The following AOX1 variants were observed in gnomAD, a reference collection of about 807,000 sequenced individuals.
AOX1 encodes the protein aldehyde oxidase.
A neutral mutation model predicts 169.5 loss-of-function variants in AOX1; 153 were observed. The ratio of observed to expected loss-of-function variants is 0.90; its 90% CI spans 0.79 to 1.03. The LOEUF (loss-of-function observed/expected upper bound fraction) is 1.03. Ranked by LOEUF, AOX1 falls within the 50% of genes least tolerant of loss-of-function variation. AOX1 has a pLI of 0.00. For synonymous variants in AOX1, 562 were observed against 581.9 expected, an observed-to-expected ratio of 0.97 and a Z score of 0.49; for missense variants, 1,656 against 1,663.9, an observed-to-expected ratio of 1.00 and a Z score of 0.08.
At position 200,612,655 on chromosome 2, in the gene AOX1, C is replaced by T. The variant is rs368293055; in HGVS notation, c.1310C>T (p.Ala437Val). 33 of 1,613,890 alleles carry T rather than the reference C, an allele frequency of 2.0e-5. No individual in the cohort carries two copies. Among genetic ancestry groups the T allele is most frequent in the Middle Eastern group, 1.7e-4 (1 of 6,058 alleles). Residue 437 changes from alanine (A) to valine (V), a missense_variant, in exon 14 of 35, where the codon GCG (alanine) becomes GTG (valine). By Grantham distance (64) the Ala-to-Val change is moderately conservative. Coordinates refer to ENST00000374700, the MANE Select transcript of AOX1 (RefSeq NM_001159.4). ...CGACAAGCCCAGCGACAGGAGAATG[C>T]GCTAGCGATAGTCAATTCAGGAATG... Reference protein sequence around the residue: ...AFRQAQRQENALAIVNSGMRV... With the variant: ...AFRQAQRQENVLAIVNSGMRV...
downstream of AOX1, among the ~76,000 whole-genome samples, chr2:200,674,462 G>C (rs1395546483): frequency 6.6e-6 from 1 of 152,176 alleles, no homozygotes; most frequent in Non-Finnish European, 1.5e-5. Context: ...CTGGGGACAA[G>C]ATGGCATATG....
intron 25 of AOX1, among the ~76,000 whole-genome samples, chr2:200,646,866 A>G (rs1309681698): frequency 6.6e-6 from 1 of 152,100 alleles, no homozygotes; most frequent in Non-Finnish European, 1.5e-5. Flanking sequence ...TCTGATTTAT[A>G]TCAGACAGAA....
rs538736817 is a variant in AOX1 at position 200,586,844 on chromosome 2, G to A, written c.45+691G>A. Among the ~76,000 whole-genome samples the A allele has an allele frequency of 7.9e-5, 12 of 152,318 alleles. No homozygotes were observed. In the East Asian group the frequency reaches 2.3e-3, roughly 29 times the overall value. On this transcript the variant is annotated intron_variant, in intron 1 of 34. Coordinates refer to ENST00000374700, the MANE Select transcript of AOX1 (RefSeq NM_001159.4). ...CGAGGGACAGTTCCAGGCAGTGTCC[G>A]ATGTTTGGGAGAAGCAAAGCCCCCT...
intron 1 of AOX1, among the ~76,000 whole-genome samples, chr2:200,590,032 A>C (rs976425472): frequency 2.0e-5 from 3 of 152,166 alleles, no homozygotes; most frequent in Non-Finnish European, 4.4e-5. Flanking sequence ...CTCTCCTCTG[A>C]GGCTGCTGTA....
intron 12 of AOX1, 29 bp from the exon 13 acceptor site, chr2:200,611,355 C>A (rs779814677): frequency 2.0e-6 from 3 of 1,489,706 alleles, no homozygotes; most frequent in Non-Finnish European, 2.8e-6. Context: ...CCAAACAGAT[C>A]CCAGGGAAAG....
chr2:200,681,149 C>T (rs558248699), downstream of AOX1, among the ~76,000 whole-genome samples: 4 of 152,288 alleles, frequency 2.6e-5, no homozygotes, highest in Admixed American at 2.6e-4. Flanking sequence ...ACTAGGCTGA[C>T]ATTGAGGACT....
intron 20 of AOX1, among the ~76,000 whole-genome samples, chr2:200,631,806 A>G (rs1220011389): frequency 6.6e-6 from 1 of 152,250 alleles, no homozygotes; most frequent in East Asian, 1.9e-4. Context: ...CTGAGTGGAT[A>G]GGCAGAATCA....
downstream of AOX1, among the ~76,000 whole-genome samples, chr2:200,680,925 G>T (rs142917259): frequency 4.6e-5 from 7 of 152,224 alleles, no homozygotes; most frequent in African/African-American, 1.2e-4. Flanking sequence ...TGAAGAAAAC[G>T]CCAGTTACCC....
intron 4 of AOX1, 129 bp from the exon 5 acceptor site, chr2:200,599,482 AAGGGCTCCC>A: frequency 3.2e-6 from 2 of 630,766 alleles, no homozygotes; most frequent in Non-Finnish European, 5.1e-6. Context: ...CTGGGATGAG[AAGGGCTCCC>A]AGGGGCCTCT....
At chr2:200,680,814 G>A (rs74944410), downstream of AOX1, among the ~76,000 whole-genome samples, 1,661 of 152,186 alleles carry the variant, frequency 0.011, 120 homozygotes, top group East Asian at 0.17. Flanking sequence ...CCAAAATGCT[G>A]GGATTAGAGG....
intron 13 of AOX1, 148 bp from the exon 14 acceptor site, chr2:200,612,461 C>G: frequency 1.4e-6 from 1 of 724,478 alleles, no homozygotes; most frequent in South Asian, 1.8e-5. Flanking sequence ...GTAGGTGATG[C>G]TCAACACACA....
chr2:200,677,737 T>C (rs1369362029), downstream of AOX1, among the ~76,000 whole-genome samples: 1 of 152,222 alleles, frequency 6.6e-6, no homozygotes, highest in African/African-American at 2.4e-5. Context: ...TAAGGCATCA[T>C]CTATGACTAG....
At chr2:200,659,795 C>CAT (rs201050171) in intron 28 of AOX1, among the ~76,000 whole-genome samples, 200 bp from the exon 29 acceptor site, 138 of 118,964 alleles carry the variant, frequency 1.2e-3, no homozygotes, top group Middle Eastern at 8.7e-3. Context: ...CTCACACACA[C>CAT]ACACACACAC....
chr2:200,663,601 C>CCCG lies in AOX1; in HGVS notation c.3543+632_3543+633insCCG, dbSNP rs55937596. 7.2e-5 allele frequency among the ~76,000 whole-genome samples: 11 copies of CCCG among 151,920 alleles called. No homozygotes were observed. In the East Asian group the frequency reaches 2.1e-3, roughly 29 times the overall value. Reference sequence around the variant, plus strand: ...TCTCTCTCTCTCTCTCTCTCTCCCCCTCTTTCTGTCTCTGTTGCTTCAAAG... The same window carrying CCCG: ...TCTCTCTCTCTCTCTCTCTCTCCCCCCCGTCTTTCTGTCTCTGTTGCTTCAAAG... On this transcript the variant is annotated intron_variant, in intron 31 of 34. Coordinates refer to ENST00000374700, the MANE Select transcript of AOX1 (RefSeq NM_001159.4).
At chr2:200,607,467 A>G (rs1168283068) in intron 10 of AOX1, among the ~76,000 whole-genome samples, 1 of 152,190 alleles carries the variant, frequency 6.6e-6, no homozygotes, top group East Asian at 1.9e-4. Context: ...TCAGGAAACA[A>G]TAAATGCTGG....
At chr2:200,660,928 G>A (rs936429764) in intron 29 of AOX1, among the ~76,000 whole-genome samples, 3 of 152,184 alleles carry the variant, frequency 2.0e-5, no homozygotes, top group Non-Finnish European at 4.4e-5. Context: ...GAAAGCTGGA[G>A]AGAGGTGCAG....
chr2:200,645,357 G>A (rs564665571), intron 25 of AOX1, among the ~76,000 whole-genome samples: 2 of 152,216 alleles, frequency 1.3e-5, no homozygotes, highest in South Asian at 4.1e-4. Flanking sequence ...CTCTGTTTAT[G>A]TAGTGTATCA....
intron 32 of AOX1, among the ~76,000 whole-genome samples, chr2:200,666,972 A>C (rs2035934428): frequency 6.6e-6 from 1 of 152,202 alleles, no homozygotes; most frequent in African/African-American, 2.4e-5. Context: ...AAAATCTGTG[A>C]CTAGGGAGCT....
At chr2:200,666,786 G>C in intron 32 of AOX1, 34 bp downstream of exon 32, 1 of 1,557,340 alleles carries the variant, frequency 6.4e-7, no homozygotes, top group Non-Finnish European at 8.8e-7. Context: ...CTTTCTATTT[G>C]TAAAAGCCAA....
Sources: gnomAD v4.1 joint callset for allele counts (sites outside exome capture counted in the v4.1 genomes callset) on GRCh38, gnomAD v4.1.1 for gene constraint, MANE v1.5 for transcripts, NCBI Gene and HGNC (gene_info 2026-07-23, HGNC 2026-07-21) for gene names.